KDM3B: variants seen among roughly 807,000 people sequenced by gnomAD.
The protein encoded by KDM3B is lysine demethylase 3B.
Under a neutral mutation model 170.0 loss-of-function variants are expected in KDM3B, and 10 were observed. That is an observed-to-expected ratio of 0.06 (90% CI 0.04 to 0.10). The LOEUF is 0.10. Among genes scored for constraint, KDM3B ranks in the 10% least tolerant of loss-of-function variants. KDM3B has a pLI of 1.00. For missense variants in KDM3B, 1,394 were observed against 2,195.2 expected (o/e 0.64, Z 7.29); for synonymous variants, 831 against 834.8 (o/e 1.00, Z 0.08).
chr5:138,425,466 A>C lies in KDM3B; in HGVS notation c.4295A>C (p.Glu1432Ala). ...CTCAAGTCTGAGCTCTGGAAGCCAG[A>C]AGCCTTTAGCCAGGAATTTGGAGAC... The part of the protein sequence containing the change: ...KKLKSELWKP[E>A]AFSQEFGDQD... Residue 1432 changes from glutamate (E) to alanine (A), a missense_variant, in exon 17 of 24, where the codon GAA becomes GCA. Physicochemically the swap from Glu to Ala is moderately radical, Grantham distance 107 (BLOSUM62 -1). This residue lies in a region of KDM3B where 66 missense variants were observed against 178.8 expected (regional missense o/e 0.37). Coordinates refer to ENST00000314358, the MANE Select transcript of KDM3B (RefSeq NM_016604.4). 1 of 1,614,208 alleles carries C rather than the reference A, an allele frequency of 6.2e-7. No individual in the cohort carries two copies. Among genetic ancestry groups the C allele is most frequent in the South Asian group, 1.1e-5 (1 of 91,078 alleles).
chr5:138,418,552 T>C (rs960639529), intron 13 of KDM3B, among the ~76,000 whole-genome samples: 1 of 152,216 alleles, frequency 6.6e-6, no homozygotes, highest in Non-Finnish European at 1.5e-5. Context: ...TAAAGCAAAT[T>C]ATTTAGAAAA....
intron 2 of KDM3B, among the ~76,000 whole-genome samples, chr5:138,373,950 G>A (rs1028618056): frequency 6.6e-6 from 1 of 152,106 alleles, no homozygotes; most frequent in Admixed American, 6.6e-5. Flanking sequence ...GATGGTATAT[G>A]TCATCACTTA....
intron 22 of KDM3B, among the ~76,000 whole-genome samples, chr5:138,431,155 C>T (rs939308472): frequency 5.3e-5 from 8 of 151,770 alleles, no homozygotes; most frequent in African/African-American, 1.5e-4. Context: ...GCCATATCAC[C>T]GTATCAAGCC....
chr5:138,378,014 A>G (rs564305105), intron 4 of KDM3B, among the ~76,000 whole-genome samples, 189 bp downstream of exon 4: 17 of 152,150 alleles, frequency 1.1e-4, no homozygotes, highest in Admixed American at 3.3e-4. Context: ...ATCTTCAGTT[A>G]GCTGGATCTC....
chr5:138,408,680 A>C (rs12517974), intron 11 of KDM3B, among the ~76,000 whole-genome samples: 38,868 of 151,938 alleles, frequency 0.26, 5,622 homozygotes, highest in East Asian at 0.56. Context: ...TATAAAACTT[A>C]AGCAAGTTTA....
At position 138,386,056 on chromosome 5, in the gene KDM3B, G is replaced by A. The variant is rs1485312457; in HGVS notation, c.815G>A (p.Gly272Glu). 1 of 1,609,392 alleles carries A rather than the reference G, an allele frequency of 6.2e-7. No individual in the cohort carries two copies. Among genetic ancestry groups the A allele is most frequent in the Non-Finnish European group, 8.5e-7 (1 of 1,178,308 alleles). The change falls in exon 7 of 24, where the codon GGA becomes GAA. Residue 272 changes from glycine (G) to glutamate (E), a missense_variant. By Grantham distance (98) the Gly-to-Glu change is moderately conservative. Transcript: ENST00000314358. The stretch of plus-strand genomic sequence containing the variant: ...TTAAAAGCAGTAAAATCTTCCAAAG[G>A]AAAGAAGAAGAGAGAAAGCATAGAG... ...GTLKAVKSSKGKKKRESIEGK... is the reference protein window; with the variant it reads ...GTLKAVKSSKEKKKRESIEGK...
chr5:138,394,764 T>C (rs1345523939), intron 9 of KDM3B, among the ~76,000 whole-genome samples: 1 of 152,186 alleles, frequency 6.6e-6, no homozygotes, highest in Admixed American at 6.5e-5. Flanking sequence ...TGACACTGAT[T>C]AATGTTTTAA....
chr5:138,407,205 C>T (rs772630404), intron 11 of KDM3B, among the ~76,000 whole-genome samples: 2 of 151,860 alleles, frequency 1.3e-5, no homozygotes, highest in African/African-American at 2.4e-5. Flanking sequence ...AGGCAGGTTT[C>T]GAACTCCTGA....
At chr5:138,410,888 ACTG>A (rs1762950057) in intron 11 of KDM3B, among the ~76,000 whole-genome samples, 1 of 152,224 alleles carries the variant, frequency 6.6e-6, no homozygotes, top group Admixed American at 6.5e-5. Context: ...CTAATTTTCT[ACTG>A]CTATCTAGAA....
At chr5:138,434,492 G>A (rs1477697532) in intron 23 of KDM3B, among the ~76,000 whole-genome samples, 1 of 151,036 alleles carries the variant, frequency 6.6e-6, no homozygotes, top group Non-Finnish European at 1.5e-5. Flanking sequence ...AGGTTGCAGT[G>A]AGCTGAGATG....
At chr5:138,432,645 G>T (rs561878684) in intron 23 of KDM3B, among the ~76,000 whole-genome samples, 1 of 152,154 alleles carries the variant, frequency 6.6e-6, no homozygotes, top group East Asian at 1.9e-4. Flanking sequence ...CTCCAGCCTG[G>T]GCGACAGAGC....
At chr5:138,362,577 C>CAA (rs757050252) in intron 1 of KDM3B, among the ~76,000 whole-genome samples, 1 of 131,708 alleles carries the variant, frequency 7.6e-6, no homozygotes, top group Non-Finnish European at 1.7e-5. Flanking sequence ...CACACACACA[C>CAA]ACACACACAA....
intron 12 of KDM3B, among the ~76,000 whole-genome samples, chr5:138,415,806 C>G (rs1243038083): frequency 1.3e-5 from 2 of 152,036 alleles, no homozygotes; most frequent in East Asian, 3.9e-4. Flanking sequence ...CACTCTGCTC[C>G]CCATTTCTGA....
At chr5:138,410,604 G>C (rs982230858) in intron 11 of KDM3B, among the ~76,000 whole-genome samples, 32 of 152,176 alleles carry the variant, frequency 2.1e-4, no homozygotes, top group Admixed American at 1.8e-3. Flanking sequence ...TAGAAGAAAA[G>C]ACAGCTGGGC....
intron 17 of KDM3B, among the ~76,000 whole-genome samples, chr5:138,426,438 G>A (rs889558922): frequency 6.6e-6 from 1 of 151,830 alleles, no homozygotes; most frequent in African/African-American, 2.4e-5. Flanking sequence ...AGCCGGGCAT[G>A]GTGGCAGACA....
intron 6 of KDM3B, among the ~76,000 whole-genome samples, chr5:138,382,312 C>T (rs1271298617): frequency 6.6e-6 from 1 of 151,818 alleles, no homozygotes; most frequent in East Asian, 1.9e-4. Context: ...AATAGCCAGG[C>T]CTGATGGTGG....
intron 17 of KDM3B, 104 bp downstream of exon 17, chr5:138,425,686 G>A: frequency 9.7e-7 from 1 of 1,027,908 alleles, no homozygotes; most frequent in Non-Finnish European, 1.4e-6. Flanking sequence ...GGGCATAATG[G>A]GACTTGAAAA....
intron 18 of KDM3B, 28 bp downstream of exon 18, chr5:138,427,093 C>T (rs752934634): frequency 1.2e-6 from 2 of 1,609,798 alleles, no homozygotes; most frequent in African/African-American, 2.7e-5. Flanking sequence ...GTGTCATCTT[C>T]AGAAGCCATC....
At chr5:138,401,037 C>T (rs1166257809) in intron 11 of KDM3B, among the ~76,000 whole-genome samples, 2 of 152,040 alleles carry the variant, frequency 1.3e-5, no homozygotes, top group Non-Finnish European at 2.9e-5. Flanking sequence ...CTTTGGGAGG[C>T]CAAGGCGGGC....
Sources: gnomAD v4.1 joint callset for allele counts (sites outside exome capture counted in the v4.1 genomes callset) on GRCh38, gnomAD v4.1.1 for gene constraint, gnomAD v4.1.1 regional missense constraint, MANE v1.5 for transcripts, NCBI Gene and HGNC (gene_info 2026-07-23, HGNC 2026-07-21) for gene names.